The following ATRN variants were observed in gnomAD, a reference collection of about 807,000 sequenced individuals.
ATRN encodes attractin.
In ATRN, 54 loss-of-function variants were observed where a neutral mutation model predicts 178.7. That is an observed-to-expected ratio of 0.30 (90% CI 0.24 to 0.38). The LOEUF is 0.38. ATRN is among the 10% of genes least tolerant of loss of function. The pLI is 1.00. For synonymous variants in ATRN, 636 were observed against 663.0 expected, an observed-to-expected ratio of 0.96 and a Z score of 0.63; for missense variants, 1,443 against 1,815.1, an observed-to-expected ratio of 0.79 and a Z score of 3.73.
intron 15 of ATRN, among the ~76,000 whole-genome samples, chr20:3,581,920 C>G (rs1030620945): frequency 3.3e-5 from 5 of 152,020 alleles, no homozygotes; most frequent in Non-Finnish European, 7.4e-5. Flanking sequence ...TGGTTTTTAT[C>G]TAGAAGCTTG....
Position 3,572,800 on chromosome 20 carries a change from G to A in ATRN, c.1941G>A (p.Gln647=). 1.2e-6 allele frequency: 2 copies of A among 1,614,028 alleles called. No individual in the cohort carries two copies. The highest frequency in any genetic ancestry group is 1.1e-5 in the South Asian group (1 of 91,076). The change falls in exon 12 of 29, where the codon CAG becomes CAA. Residue 647 remains glutamine, a synonymous_variant. Transcript: ENST00000262919. ...ACATCCTGGTATTCACCTCGGAACA[G>A]TGTGATGCGCATCGGAGTGAAGCCG... The part of the protein sequence containing the change: ...LSDILVFTSE[Q]CDAHRSEAAC...
At position 3,547,488 on chromosome 20, in the gene ATRN, G is replaced by C. The variant is rs199516815; in HGVS notation, c.942G>C (p.Gln314His). The change falls in exon 5 of 29, where the codon CAG (glutamine) becomes CAC (histidine). Residue 314 changes from glutamine to histidine, a missense_variant and splice_region_variant. This residue lies in a region of ATRN where 862 missense variants were observed against 972.1 expected (regional missense o/e 0.89). Coordinates refer to ENST00000262919, the MANE Select transcript of ATRN (RefSeq NM_139321.3). ...VRGCSCFSDW[Q>H]GPGCSVPVPA... ...GATGCTCCTGCTTCTCAGACTGGCAGGGTAGGAGCTTCTTTCATTTTTATT... is the reference window on the plus strand; with the variant it reads ...GATGCTCCTGCTTCTCAGACTGGCACGGTAGGAGCTTCTTTCATTTTTATT... 1.2e-6 allele frequency: 2 copies of C among 1,606,634 alleles called. No homozygotes were observed. The highest frequency in any genetic ancestry group is 2.2e-5 in the South Asian group (2 of 90,038).
chr20:3,523,546 A>G (rs1197196200), intron 1 of ATRN, among the ~76,000 whole-genome samples: 1 of 152,166 alleles, frequency 6.6e-6, no homozygotes, highest in African/African-American at 2.4e-5. Flanking sequence ...GCCAACATTC[A>G]AATTCAGGAA....
chr20:3,598,391 C>A (rs1600143899), intron 22 of ATRN, among the ~76,000 whole-genome samples: 1 of 151,612 alleles, frequency 6.6e-6, no homozygotes, highest in South Asian at 2.1e-4. Flanking sequence ...CAGCCCCAAT[C>A]AGACAGCAAG....
At chr20:3,582,100 A>C in intron 15 of ATRN, 35 bp from the exon 16 acceptor site, 1 of 1,555,904 alleles carries the variant, frequency 6.4e-7, no homozygotes, top group Non-Finnish European at 8.9e-7. Flanking sequence ...AAAAGATACT[A>C]TCTGTATTCA....
chr20:3,535,149 A>G, intron 1 of ATRN, 104 bp from the exon 2 acceptor site: 1 of 390,052 alleles, frequency 2.6e-6, no homozygotes, highest in Non-Finnish European at 4.0e-6. Flanking sequence ...TTTGTATTAT[A>G]TTAAGAATTA....
At chr20:3,538,258 G>A (rs570958750) in intron 2 of ATRN, among the ~76,000 whole-genome samples, 26 of 152,126 alleles carry the variant, frequency 1.7e-4, no homozygotes, top group African/African-American at 5.8e-4. Flanking sequence ...TGAGTGGTTC[G>A]TGGTGAAGAA....
chr20:3,535,133 G>A (rs2085507642), intron 1 of ATRN, 120 bp from the exon 2 acceptor site: 1 of 321,528 alleles, frequency 3.1e-6, no homozygotes, highest in East Asian at 9.4e-5. Context: ...TACCCATTAT[G>A]TTTAATTTGT....
intron 1 of ATRN, among the ~76,000 whole-genome samples, chr20:3,512,015 G>T (rs527636157): frequency 7.1e-6 from 1 of 141,408 alleles, no homozygotes; most frequent in South Asian, 2.2e-4. Flanking sequence ...TTGGCAAAAA[G>T]AAAAGCTAGT....
At chr20:3,629,942 G>GT (rs11481075) in intron 25 of ATRN, among the ~76,000 whole-genome samples, 70,252 of 151,900 alleles carry the variant, frequency 0.46, 17,729 homozygotes, top group African/African-American at 0.67. Context: ...ATCATTCTGA[G>GT]TTTTTTTATT....
At chr20:3,612,307 G>A (rs1303970827) in intron 24 of ATRN, among the ~76,000 whole-genome samples, 1 of 152,166 alleles carries the variant, frequency 6.6e-6, no homozygotes, top group Non-Finnish European at 1.5e-5. Context: ...TATAACATTT[G>A]AAAATGAAAA....
intron 22 of ATRN, among the ~76,000 whole-genome samples, chr20:3,600,148 A>G (rs773655092): frequency 4.6e-5 from 7 of 152,222 alleles, no homozygotes; most frequent in Non-Finnish European, 7.3e-5. Flanking sequence ...AGTTTGACTA[A>G]TTATTAATGT....
chr20:3,629,329 A>G (rs1024013528), intron 25 of ATRN: 3 of 982,578 alleles, frequency 3.1e-6, no homozygotes, highest in African/African-American at 3.5e-5. Flanking sequence ...TTCAGCTTGC[A>G]CTCTTCTCTT....
chr20:3,557,710 T>C (rs549722729), intron 6 of ATRN, among the ~76,000 whole-genome samples: 1 of 152,308 alleles, frequency 6.6e-6, no homozygotes, highest in African/African-American at 2.4e-5. Flanking sequence ...GACCTGGACA[T>C]TGTAAAAATT....
At chr20:3,569,470 A>G (rs1410839883) in intron 11 of ATRN, among the ~76,000 whole-genome samples, 2 of 152,194 alleles carry the variant, frequency 1.3e-5, no homozygotes, top group Non-Finnish European at 2.9e-5. Context: ...TGTACAGGCC[A>G]CTTACTATGA....
intron 24 of ATRN, among the ~76,000 whole-genome samples, chr20:3,622,609 A>G (rs566233061): frequency 6.6e-6 from 1 of 152,372 alleles, no homozygotes; most frequent in Admixed American, 6.5e-5. Context: ...TGACCAACAA[A>G]GACTGACCGC....
At chr20:3,542,739 AC>A (rs764655129) in intron 3 of ATRN, among the ~76,000 whole-genome samples, 13 of 146,662 alleles carry the variant, frequency 8.9e-5, no homozygotes, top group Non-Finnish European at 1.9e-4. Flanking sequence ...AGATGCTCCC[AC>A]CTCAGCCTCC....
At chr20:3,580,325 C>T (rs1281509875) in intron 15 of ATRN, among the ~76,000 whole-genome samples, 1 of 152,224 alleles carries the variant, frequency 6.6e-6, no homozygotes, top group Non-Finnish European at 1.5e-5. Flanking sequence ...TACCCTTTCT[C>T]TCTTCCTTAG....
chr20:3,557,069 C>G (rs1461794887), intron 6 of ATRN, among the ~76,000 whole-genome samples: 1 of 152,198 alleles, frequency 6.6e-6, no homozygotes, highest in Non-Finnish European at 1.5e-5. Flanking sequence ...AACATAAAGT[C>G]TATATGTGTA....
Sources: allele counts gnomAD v4.1 joint callset (sites outside exome capture counted in the v4.1 genomes callset), GRCh38; gene constraint gnomAD v4.1.1; regional missense constraint gnomAD v4.1.1; transcripts MANE v1.5; gene names NCBI Gene and HGNC (gene_info 2026-07-23, HGNC 2026-07-21).